Variants in ARHGEF7 observed in about 807,000 individuals in gnomAD.
The protein encoded by ARHGEF7 is PAK-interacting exchange factor beta.
Under a neutral mutation model 109.8 loss-of-function variants are expected in ARHGEF7, and 33 were observed. That is an observed-to-expected ratio of 0.30 (90% CI 0.23 to 0.40). ARHGEF7 has a LOEUF of 0.40. Ranked by LOEUF, ARHGEF7 falls within the 10% of genes least tolerant of loss-of-function variation. ARHGEF7 has a pLI of 1.00. For missense variants in ARHGEF7, 938 were observed against 1,098.5 expected, an observed-to-expected ratio of 0.85 and a Z score of 2.07; for synonymous variants, 458 against 424.6, an observed-to-expected ratio of 1.08 and a Z score of -0.97.
chr13:111,250,035 G>A (rs1483624985), intron 8 of ARHGEF7, among the ~76,000 whole-genome samples: 1 of 152,166 alleles, frequency 6.6e-6, no homozygotes, highest in Non-Finnish European at 1.5e-5. Context: ...TTATTTGCAG[G>A]CGAGTCAGTT....
intron 2 of ARHGEF7, among the ~76,000 whole-genome samples, chr13:111,165,571 C>G (rs947600031): frequency 6.6e-6 from 1 of 152,178 alleles, no homozygotes; most frequent in Non-Finnish European, 1.5e-5. Flanking sequence ...GAGGAACAAG[C>G]GTTCTGGTTT....
intron 2 of ARHGEF7, among the ~76,000 whole-genome samples, chr13:111,198,287 A>G (rs1594608112): frequency 6.6e-6 from 1 of 152,174 alleles, no homozygotes; most frequent in East Asian, 1.9e-4. Context: ...AAGGGGTCCG[A>G]TGATACTCAC....
At chr13:111,187,518 A>G (rs544081894) in intron 2 of ARHGEF7, among the ~76,000 whole-genome samples, 3 of 152,200 alleles carry the variant, frequency 2.0e-5, no homozygotes, top group South Asian at 2.1e-4. Context: ...GTTTAAGCCA[A>G]TTTGAGTTGG....
chr13:111,203,646 C>G (rs1170602609), intron 2 of ARHGEF7, among the ~76,000 whole-genome samples: 1 of 152,160 alleles, frequency 6.6e-6, no homozygotes, highest in Non-Finnish European at 1.5e-5. Context: ...GTTTTCAGCT[C>G]CTTTCTTGAC....
chr13:111,236,829 G>A (rs1310625540), intron 6 of ARHGEF7, among the ~76,000 whole-genome samples: 1 of 152,126 alleles, frequency 6.6e-6, no homozygotes, highest in Non-Finnish European at 1.5e-5. Flanking sequence ...CCTGGGCTGG[G>A]TGGCAAATGC....
intron 2 of ARHGEF7, among the ~76,000 whole-genome samples, chr13:111,204,958 C>A (rs1382628137): frequency 6.7e-6 from 1 of 148,898 alleles, no homozygotes; most frequent in African/African-American, 2.5e-5. Context: ...GAGGATTGCG[C>A]AAGCACCGTG....
At chr13:111,161,513 C>A (rs1037816842) in intron 2 of ARHGEF7, among the ~76,000 whole-genome samples, 2 of 152,184 alleles carry the variant, frequency 1.3e-5, no homozygotes, top group African/African-American at 4.8e-5. Flanking sequence ...ACTCTTAGAA[C>A]AGTGCCTGGT....
chr13:111,272,433 G>T lies in ARHGEF7; in HGVS notation c.1074-1381G>T, dbSNP rs2092227364. Among the ~76,000 whole-genome samples, 1 of 152,180 alleles carries T rather than the reference G, an allele frequency of 6.6e-6. No homozygotes were observed. Among genetic ancestry groups the T allele is most frequent in the Non-Finnish European group, 1.5e-5 (1 of 68,046 alleles). The stretch of plus-strand genomic sequence containing the variant: ...CCTGTGAGACCAGAACCGGAAATTG[G>T]CTTGTTTCTCAGTTTTGCTGTTAGG... On this transcript the variant is annotated intron_variant, in intron 9 of 21. Coordinates refer to ENST00000646102, the MANE Select transcript of ARHGEF7 (RefSeq NM_001354046.2). This position sits in a 1 kb window ranked among gnomAD's most constrained non-coding sequence, Gnocchi z 5.2.
chr13:111,198,649 C>T (rs911708414), intron 2 of ARHGEF7, among the ~76,000 whole-genome samples: 17 of 152,074 alleles, frequency 1.1e-4, no homozygotes, highest in East Asian at 7.7e-4. Flanking sequence ...CAGACCCTTG[C>T]GGTGAGTGTT....
intron 1 of ARHGEF7, among the ~76,000 whole-genome samples, chr13:111,152,511 T>C (rs555359526): frequency 1.3e-5 from 2 of 152,358 alleles, no homozygotes; most frequent in East Asian, 1.9e-4. Flanking sequence ...TTTTCAACTA[T>C]AGAAAGAAAA....
At chr13:111,202,150 C>T (rs1368020579) in intron 2 of ARHGEF7, among the ~76,000 whole-genome samples, 9 of 152,174 alleles carry the variant, frequency 5.9e-5, no homozygotes, top group South Asian at 2.1e-4. Context: ...GATCCTAAAG[C>T]GTATTATGGT....
At chr13:111,146,683 T>C (rs532542050) in intron 1 of ARHGEF7, among the ~76,000 whole-genome samples, 1 of 152,360 alleles carries the variant, frequency 6.6e-6, no homozygotes, top group East Asian at 1.9e-4. Context: ...TCTTTCAAAG[T>C]TTGAGAGTCT....
intron 12 of ARHGEF7, among the ~76,000 whole-genome samples, chr13:111,276,445 C>T (rs1470828204): frequency 6.6e-6 from 1 of 152,132 alleles, no homozygotes; most frequent in Non-Finnish European, 1.5e-5. Flanking sequence ...CATAAGAAAC[C>T]ATGATTATAA....
chr13:111,285,307 G>A (rs913790333), intron 16 of ARHGEF7, among the ~76,000 whole-genome samples: 2 of 152,184 alleles, frequency 1.3e-5, no homozygotes, highest in African/African-American at 4.8e-5. Flanking sequence ...TTTCCAGCCT[G>A]GTTCATTCCA....
chr13:111,295,619 C>G (rs2093411011), intron 19 of ARHGEF7, among the ~76,000 whole-genome samples: 2 of 152,132 alleles, frequency 1.3e-5, no homozygotes, highest in African/African-American at 2.4e-5. Context: ...AACGAAGTAC[C>G]TGGTGGCAGG....
intron 9 of ARHGEF7, among the ~76,000 whole-genome samples, chr13:111,269,300 A>C (rs2091942875): frequency 6.6e-6 from 1 of 151,696 alleles, no homozygotes; most frequent in Admixed American, 6.5e-5. Flanking sequence ...GAAATTCTTC[A>C]AGAATTGTTG....
At chr13:111,130,256 C>A (rs1427412914) in intron 1 of ARHGEF7, among the ~76,000 whole-genome samples, 3 of 152,196 alleles carry the variant, frequency 2.0e-5, no homozygotes, top group African/African-American at 7.2e-5. Flanking sequence ...AGAGTCATTA[C>A]CTTGCCTCTT....
At chr13:111,233,380 G>C in intron 6 of ARHGEF7, 87 bp downstream of exon 6, 2 of 1,035,668 alleles carry the variant, frequency 1.9e-6, no homozygotes, top group Non-Finnish European at 3.0e-6. Flanking sequence ...AAAGTACCTA[G>C]AATAGGAAGA....
intron 19 of ARHGEF7, among the ~76,000 whole-genome samples, chr13:111,297,027 C>G (rs1049679747): frequency 1.3e-5 from 2 of 152,184 alleles, no homozygotes; most frequent in African/African-American, 2.4e-5. Flanking sequence ...CTAGGTAACT[C>G]AGGGAATAAT....
Sources: gnomAD v4.1 joint callset for allele counts (sites outside exome capture counted in the v4.1 genomes callset) on GRCh38, gnomAD v4.1.1 for gene constraint, Gnocchi (gnomAD v3.1) non-coding constraint, MANE v1.5 for transcripts, NCBI Gene and HGNC (gene_info 2026-07-23, HGNC 2026-07-21) for gene names.